SLC38A6: variants seen among roughly 807,000 people sequenced by gnomAD.
The protein encoded by SLC38A6 is N system amino acid transporter NAT-1.
In SLC38A6, 73 loss-of-function variants were observed where a neutral mutation model predicts 65.0. The observed-to-expected ratio is 1.12, with a 90% CI of 0.93 to 1.37. The LOEUF (loss-of-function observed/expected upper bound fraction) is 1.37, where lower values mean the gene tolerates loss of function less well. SLC38A6 is among the 40% of genes most tolerant of loss of function. The pLI is 0.00. For missense variants in SLC38A6, 561 were observed against 531.1 expected (o/e 1.06, Z -0.55); for synonymous variants, 183 against 178.8 (o/e 1.02, Z -0.19).
chr14:60,993,960 A>G (rs2038091053), intron 3 of SLC38A6, among the ~76,000 whole-genome samples: 2 of 152,234 alleles, frequency 1.3e-5, no homozygotes, highest in Admixed American at 6.5e-5. Flanking sequence ...ATGTGGGACA[A>G]CAGGAACTCT....
At chr14:61,079,239 C>T (rs1483466317) in intron 16 of SLC38A6, among the ~76,000 whole-genome samples, 11 of 148,234 alleles carry the variant, frequency 7.4e-5, no homozygotes, top group African/African-American at 2.3e-4. Flanking sequence ...CGGGTTCAAG[C>T]GATTCTCCTG....
intron 1 of SLC38A6, among the ~76,000 whole-genome samples, chr14:60,982,000 G>A (rs1168504813): frequency 6.6e-6 from 1 of 152,100 alleles, no homozygotes; most frequent in Admixed American, 6.5e-5. Flanking sequence ...AACGTGAATT[G>A]CTTCTGTTTA....
At chr14:61,007,571 G>T (rs2039237376) in intron 3 of SLC38A6, among the ~76,000 whole-genome samples, 1 of 152,212 alleles carries the variant, frequency 6.6e-6, no homozygotes, top group Admixed American at 6.5e-5. Context: ...GAGCCCAGTA[G>T]TTCAAGGCTG....
At chr14:61,013,065 C>A (rs533259198) in intron 3 of SLC38A6, among the ~76,000 whole-genome samples, 1 of 152,266 alleles carries the variant, frequency 6.6e-6, no homozygotes, top group East Asian at 1.9e-4. Flanking sequence ...AATCTGGGTG[C>A]TCCTGTATTG....
chr14:61,038,140 A>G (rs979815826), intron 8 of SLC38A6, among the ~76,000 whole-genome samples: 5 of 152,110 alleles, frequency 3.3e-5, no homozygotes, highest in Admixed American at 1.3e-4. Flanking sequence ...ACTGAATTCT[A>G]TTTTGTCTGG....
intron 3 of SLC38A6, among the ~76,000 whole-genome samples, chr14:61,011,733 G>T (rs8017523): frequency 6.6e-6 from 1 of 152,050 alleles, no homozygotes; most frequent in African/African-American, 2.4e-5. Flanking sequence ...GGATGAAGCC[G>T]ACTTGATTAT....
intron 3 of SLC38A6, among the ~76,000 whole-genome samples, chr14:61,010,835 CT>C (rs1435227437): frequency 2.0e-5 from 3 of 152,096 alleles, no homozygotes; most frequent in Non-Finnish European, 4.4e-5. Context: ...CAGCTTTGTT[CT>C]TTTGGCTTAG....
chr14:61,012,137 T>C (rs2039625356), intron 3 of SLC38A6, among the ~76,000 whole-genome samples: 2 of 152,218 alleles, frequency 1.3e-5, no homozygotes, highest in Non-Finnish European at 2.9e-5. Flanking sequence ...AAGGAATTTA[T>C]CCATTTCTTC....
Position 61,015,963 on chromosome 14 carries a change from T to C in SLC38A6, c.363+7T>C. 6.2e-7 allele frequency: 1 copy of C among 1,603,978 alleles called. No homozygotes were observed. Among genetic ancestry groups the C allele is most frequent in the African/African-American group, 1.3e-5 (1 of 74,560 alleles). On this transcript the variant is annotated splice_region_variant and intron_variant, in intron 4 of 15. Transcript: ENST00000267488. ...ATTTGGATTACCTGGAAAGGTAATT[T>C]TTTTTCCTCCTCATTGTGTCCAAAA...
chr14:61,083,607 G>A (rs1032108131), exon 17 of SLC38A6: 32 of 1,550,434 alleles, frequency 2.1e-5, no homozygotes, highest in Non-Finnish European at 2.8e-5. Flanking sequence ...CAAGGACACA[G>A]CAAGAAGGCA....
intron 3 of SLC38A6, among the ~76,000 whole-genome samples, chr14:61,000,922 T>C (rs1172328166): frequency 6.6e-6 from 1 of 152,222 alleles, no homozygotes; most frequent in Non-Finnish European, 1.5e-5. Flanking sequence ...GACATTTTCT[T>C]ATGGTTTGGA....
At chr14:61,031,786 A>G (rs1036262725) in intron 6 of SLC38A6, among the ~76,000 whole-genome samples, 7 of 151,994 alleles carry the variant, frequency 4.6e-5, no homozygotes, top group Admixed American at 2.0e-4. Context: ...TGAGAAATTT[A>G]TATTTTAGGG....
chr14:60,998,292 C>T (rs975118531), intron 3 of SLC38A6, among the ~76,000 whole-genome samples: 2 of 151,892 alleles, frequency 1.3e-5, no homozygotes, highest in African/African-American at 4.8e-5. Flanking sequence ...TCCCCGCATC[C>T]TGTACCCATA....
intron 3 of SLC38A6, among the ~76,000 whole-genome samples, chr14:61,001,163 C>T (rs992818873): frequency 7.2e-5 from 11 of 151,972 alleles, no homozygotes; most frequent in African/African-American, 1.5e-4. Context: ...TTGTCACAGC[C>T]GGGGATTGGG....
chr14:61,028,748 A>G (rs751275347), intron 5 of SLC38A6, among the ~76,000 whole-genome samples: 2 of 152,224 alleles, frequency 1.3e-5, no homozygotes, highest in Non-Finnish European at 2.9e-5. Flanking sequence ...GTATATTTTC[A>G]TCACAGAGAA....
downstream of SLC38A6, among the ~76,000 whole-genome samples, chr14:61,055,280 A>G (rs1485935321): frequency 2.5e-4 from 12 of 47,536 alleles, 1 homozygote; most frequent in East Asian, 6.9e-3. Flanking sequence ...CCCCGACCCC[A>G]CCACAGTCCC....
At chr14:61,034,496 G>A (rs933668892) in intron 6 of SLC38A6, among the ~76,000 whole-genome samples, 2 of 152,044 alleles carry the variant, frequency 1.3e-5, no homozygotes, top group Admixed American at 1.3e-4. Context: ...ACTCCTTTGG[G>A]CATTTTTCCT....
chr14:60,982,521 A>G lies in SLC38A6; in HGVS notation c.119A>G (p.Gln40Arg), dbSNP rs2037136550. ...GTGTGCTTACAGGAACTTCACAGAC[A>G]GCGATCCCCAGGTGTTTCATTTGGT... ...SPLLSNELHRQRSPGVSFGLS... is the reference protein window; with the variant it reads ...SPLLSNELHRRRSPGVSFGLS... Residue 40 changes from glutamine to arginine, a missense_variant, in exon 2 of 16, where the codon CAG becomes CGG. Gln to Arg is a conservative substitution (Grantham distance 43, BLOSUM62 1). Coordinates refer to ENST00000267488, the MANE Select transcript of SLC38A6 (RefSeq NM_153811.3). 1.2e-6 allele frequency: 2 copies of G among 1,610,268 alleles called. No homozygotes were observed. Among genetic ancestry groups the G allele is most frequent in the Non-Finnish European group, 1.7e-6 (2 of 1,179,118 alleles).
intron 3 of SLC38A6, among the ~76,000 whole-genome samples, chr14:61,002,538 C>G (rs1416171018): frequency 6.6e-6 from 1 of 152,128 alleles, no homozygotes; most frequent in Non-Finnish European, 1.5e-5. Flanking sequence ...ATTAATTGTC[C>G]TATTTCATTG....
Sources: allele counts gnomAD v4.1 joint callset (sites outside exome capture counted in the v4.1 genomes callset), GRCh38; gene constraint gnomAD v4.1.1; transcripts MANE v1.5; gene names NCBI Gene and HGNC (gene_info 2026-07-23, HGNC 2026-07-21).